IL16: variants seen among roughly 807,000 people sequenced by gnomAD.
IL16 encodes the protein interleukin 16.
IL16 carries 67 observed loss-of-function variants against 110.1 expected under a neutral mutation model. The ratio of observed to expected loss-of-function variants is 0.61; its 90% CI spans 0.50 to 0.75. The LOEUF (loss-of-function observed/expected upper bound fraction) is 0.75, where lower values mean the gene tolerates loss of function less well. Ranked by LOEUF, IL16 falls within the 30% of genes least tolerant of loss-of-function variation. The pLI is 0.00. For missense variants in IL16, 1,545 were observed against 1,655.0 expected, an observed-to-expected ratio of 0.93 and a Z score of 1.15; for synonymous variants, 689 against 662.9, an observed-to-expected ratio of 1.04 and a Z score of -0.61.
intron 12 of IL16, 145 bp from the exon 13 acceptor site, chr15:81,296,783 A>G (rs1900005366): frequency 2.8e-6 from 2 of 711,124 alleles, no homozygotes; most frequent in Non-Finnish European, 4.6e-6. Flanking sequence ...CAAGGAGAAA[A>G]GAATCCTCTT....
chr15:81,234,882 T>C (rs1897130108), intron 2 of IL16, among the ~76,000 whole-genome samples: 1 of 152,234 alleles, frequency 6.6e-6, no homozygotes, highest in Admixed American at 6.5e-5. Context: ...TGATAAGAAC[T>C]TGGATGGCCA....
Position 81,296,947 on chromosome 15 carries a change from C to T in IL16, c.1922C>T (p.Pro641Leu). Residue 641 changes from proline (P) to leucine (L), a missense_variant, in exon 13 of 19, where the codon CCA (proline) becomes CTA (leucine). Coordinates refer to ENST00000683961, the MANE Select transcript of IL16 (RefSeq NM_172217.5). Reference sequence around the variant, plus strand: ...CCACAGGAAGCGAGAGAGCTGCTGCCACTGCTGCTACCACAGGAAGACACA... The same window carrying T: ...CCACAGGAAGCGAGAGAGCTGCTGCTACTGCTGCTACCACAGGAAGACACA... ...TCGQEARELL[P>L]LLLPQEDTAG... 1 of 1,612,154 alleles carries T rather than the reference C, an allele frequency of 6.2e-7. No homozygotes were observed. Among genetic ancestry groups the T allele is most frequent in the Non-Finnish European group, 8.5e-7 (1 of 1,179,178 alleles).
At chr15:81,209,780 C>T (rs1292994360) in intron 1 of IL16, among the ~76,000 whole-genome samples, 3 of 152,182 alleles carry the variant, frequency 2.0e-5, no homozygotes, top group Non-Finnish European at 2.9e-5. Flanking sequence ...TGCCTCCCCT[C>T]GCCAGTGGCC....
chr15:81,182,875 G>A, exon 1 of IL16: 9 of 1,289,544 alleles, frequency 7.0e-6, no homozygotes, highest in Non-Finnish European at 9.1e-6. Context: ...GCAGAAGAGA[G>A]TCTTCCCGAG....
At chr15:81,269,446 C>T in intron 4 of IL16, 92 bp from the exon 5 acceptor site, 1 of 840,168 alleles carries the variant, frequency 1.2e-6, no homozygotes, top group Non-Finnish European at 2.0e-6. Context: ...GACTTGGTTC[C>T]TCTCTTTGGC....
chr15:81,300,095 T>C lies in IL16; in HGVS notation c.2769T>C (p.Pro923=). The change falls in exon 14 of 19, where the codon CCT becomes CCC. Residue 923 remains proline, a synonymous_variant. Coordinates refer to ENST00000683961, the MANE Select transcript of IL16 (RefSeq NM_172217.5). ...EARDPGVSES[P]PPGRQPNQKT... Reference sequence around the variant, plus strand: ...GAGACCCAGGTGTGTCTGAGTCCCCTCCCCCAGGGCGGCAGCCCAATCAGA... The same window carrying C: ...GAGACCCAGGTGTGTCTGAGTCCCCCCCCCCAGGGCGGCAGCCCAATCAGA... 1.3e-6 allele frequency: 2 copies of C among 1,580,564 alleles called. No homozygotes were observed. Among genetic ancestry groups the C allele is most frequent in the Non-Finnish European group, 1.7e-6 (2 of 1,164,540 alleles).
intron 2 of IL16, among the ~76,000 whole-genome samples, chr15:81,241,414 A>C (rs1897331486): frequency 2.0e-5 from 3 of 152,096 alleles, no homozygotes; most frequent in African/African-American, 7.2e-5. Flanking sequence ...CCACTTTAAT[A>C]GACATGATAT....
intron 9 of IL16, among the ~76,000 whole-genome samples, chr15:81,284,862 G>A (rs563814568): frequency 1.3e-5 from 2 of 152,282 alleles, no homozygotes; most frequent in Non-Finnish European, 2.9e-5. Context: ...TAATATAACA[G>A]CAGAGTTGAA....
At chr15:81,290,084 T>G (rs73501758) in intron 10 of IL16, 6,471 of 310,808 alleles carry the variant, frequency 0.021, 371 homozygotes, top group African/African-American at 0.12. Context: ...TGATTGTGAT[T>G]ATTACGATAT....
chr15:81,190,516 C>T (rs991577333), intron 1 of IL16, among the ~76,000 whole-genome samples: 1 of 152,100 alleles, frequency 6.6e-6, no homozygotes, highest in Non-Finnish European at 1.5e-5. Context: ...TGTTTTACTC[C>T]CTGTGATGTC....
At chr15:81,301,550 C>T in intron 15 of IL16, 38 bp downstream of exon 15, 1 of 1,579,992 alleles carries the variant, frequency 6.3e-7, no homozygotes, top group Non-Finnish European at 8.6e-7. Context: ...TAACCAATGG[C>T]TTATTATGGC....
Position 81,197,221 on chromosome 15 carries a change from T to C in IL16, c.-102+69T>C, listed in dbSNP as rs1767189893. On this transcript the variant is annotated intron_variant, in intron 1 of 18. Coordinates refer to ENST00000683961, the MANE Select transcript of IL16 (RefSeq NM_172217.5). The stretch of plus-strand genomic sequence containing the variant: ...TTACCGGAGGGAGGAAGCTGGCCTC[T>C]CTGACCTGAATGGGGAGGGTCTTGG... 4 of 1,093,814 alleles carry C rather than the reference T, an allele frequency of 3.7e-6. 1 individual carries two copies. The Admixed American group carries it at 8.1e-5, about 22-fold the overall frequency. 67.8% of individuals were successfully genotyped at this position (1,093,814 alleles called of 1,614,324 possible). A position where few individuals can be genotyped will look rare whatever the true frequency, so the allele number is the denominator to read the frequency against.
rs1293396460 is a variant in IL16 at position 81,311,239 on chromosome 15, A to T, written c.*2441A>T. 6.6e-6 allele frequency: 1 copy of T among 152,192 alleles called. No individual in the cohort carries two copies. Among genetic ancestry groups the T allele is most frequent in the Non-Finnish European group, 1.5e-5 (1 of 68,052 alleles). 9.4% of individuals were successfully genotyped at this position (152,192 alleles called of 1,614,324 possible). A position where few individuals can be genotyped will look rare whatever the true frequency, so the allele number is the denominator to read the frequency against. On this transcript the variant is annotated 3_prime_UTR_variant, in exon 19 of 19. Coordinates refer to ENST00000683961, the MANE Select transcript of IL16 (RefSeq NM_172217.5). ...TGTGAAGTCGTCTTAACTCACCATA[A>T]AAAGGAATCCACTCCCAGGCAGCCC... is the stretch of plus-strand genomic sequence containing the variant.
Position 81,299,802 on chromosome 15 carries a change from C to T in IL16, c.2476C>T (p.Leu826=), listed in dbSNP as rs749255373. 9.9e-6 allele frequency: 16 copies of T among 1,613,904 alleles called. No individual in the cohort carries two copies. Among genetic ancestry groups the T allele is most frequent in the Non-Finnish European group, 1.3e-5 (15 of 1,179,988 alleles). ...GCCAGCACCTGCTTCCAGGGAGCAC[C>T]TAGGATCACACATCCGGGCCTCCTC... The part of the protein sequence containing the change: ...TQPAPASREH[L]GSHIRASSSS... Residue 826 remains leucine, a synonymous_variant, in exon 14 of 19, where the codon CTA becomes TTA. Coordinates refer to ENST00000683961, the MANE Select transcript of IL16 (RefSeq NM_172217.5).
rs775749706 is a variant in IL16, at chr15:81,300,464, G to A, written c.3138G>A (p.Gly1046=). The A allele has an allele frequency of 5.0e-6, 8 of 1,610,664 alleles. No homozygotes were observed. The highest frequency in any genetic ancestry group is 1.7e-4 in the Middle Eastern group (1 of 6,054). Reference sequence around the variant, plus strand: ...CTGAAACATCTGCCTTGGACACAGGGTTCTCGCTCAAGTGAGTTTCTACAC... The same window carrying A: ...CTGAAACATCTGCCTTGGACACAGGATTCTCGCTCAAGTGAGTTTCTACAC... ...GSAETSALDT[G]FSLNLSELRE... The change falls in exon 14 of 19, where the codon GGG becomes GGA. Residue 1046 remains glycine, a synonymous_variant. Transcript: ENST00000683961.
At chr15:81,247,070 C>CT (rs1434657615) in intron 2 of IL16, among the ~76,000 whole-genome samples, 8,572 of 106,258 alleles carry the variant, frequency 0.081, 427 homozygotes, top group East Asian at 0.16. Context: ...TCTTTCTTTT[C>CT]TTTTCCTTTT....
intron 1 of IL16, among the ~76,000 whole-genome samples, chr15:81,219,858 C>T (rs571593422): frequency 2.6e-5 from 4 of 152,242 alleles, no homozygotes; most frequent in East Asian, 1.9e-4. Context: ...ACTCATCTGC[C>T]GTTCATTCAC....
At chr15:81,187,760 C>T (rs1206453612) in intron 1 of IL16, among the ~76,000 whole-genome samples, 2 of 152,232 alleles carry the variant, frequency 1.3e-5, no homozygotes, top group South Asian at 2.1e-4. Flanking sequence ...GGGGGCAGAA[C>T]CTTTGCCTGC....
intron 11 of IL16, 35 bp downstream of exon 11, chr15:81,290,575 T>A (rs1899665958): frequency 7.0e-7 from 1 of 1,419,138 alleles, no homozygotes; most frequent in South Asian, 1.2e-5. Context: ...GTAAAATATC[T>A]TTGCCTTCTT....
Sources: gnomAD v4.1 joint callset for allele counts (sites outside exome capture counted in the v4.1 genomes callset) on GRCh38, gnomAD v4.1.1 for gene constraint, MANE v1.5 for transcripts, NCBI Gene and HGNC (gene_info 2026-07-23, HGNC 2026-07-21) for gene names.